Variants in PDE4D observed in about 807,000 individuals in gnomAD.
PDE4D encodes the protein phosphodiesterase 4D, also known as 3',5'-cyclic-AMP phosphodiesterase 4D.
PDE4D carries 24 observed loss-of-function variants against 87.4 expected under a neutral mutation model. The ratio of observed to expected loss-of-function variants is 0.27; its 90% CI spans 0.20 to 0.39. The LOEUF is 0.39. Ranked by LOEUF, PDE4D falls within the 10% of genes least tolerant of loss-of-function variation. The pLI is 1.00. For missense variants in PDE4D, 714 were observed against 1,041.0 expected (o/e 0.69, Z 4.32); for synonymous variants, 384 against 383.2 (o/e 1.00, Z -0.02).
intron 1 of PDE4D, among the ~76,000 whole-genome samples, chr5:60,429,044 A>G (rs1367522548): frequency 1.3e-5 from 2 of 152,214 alleles, no homozygotes; most frequent in Admixed American, 6.5e-5. Flanking sequence ...TAGTTCTCCC[A>G]TTCATTCACC....
intron 1 of PDE4D, among the ~76,000 whole-genome samples, chr5:59,244,680 CTGTGTG>C (rs369829189): frequency 0.014 from 1,710 of 120,006 alleles, 23 homozygotes; most frequent in African/African-American, 0.035. Flanking sequence ...GTGTGTGTGT[CTGTGTG>C]TGTGTGTGTG....
chr5:59,815,512 C>T (rs1043291325), intron 1 of PDE4D, among the ~76,000 whole-genome samples: 5 of 152,154 alleles, frequency 3.3e-5, no homozygotes, highest in Non-Finnish European at 7.4e-5. Flanking sequence ...TTCGCTCTTC[C>T]TCAGTGTTTT....
At chr5:59,764,761 T>C (rs901944802) in intron 1 of PDE4D, among the ~76,000 whole-genome samples, 11 of 148,774 alleles carry the variant, frequency 7.4e-5, no homozygotes, top group African/African-American at 2.5e-4. Flanking sequence ...GTTCAAGTGA[T>C]TCTCGTGCCT....
intron 1 of PDE4D, among the ~76,000 whole-genome samples, chr5:60,431,361 C>T (rs1317890653): frequency 4.0e-5 from 6 of 149,132 alleles, no homozygotes; most frequent in African/African-American, 1.5e-4. Context: ...TCAGATGGGG[C>T]GGCCGGGCAG....
Position 59,053,645 on chromosome 5 carries a change from G to GTTTTTTGTTTTTTT in PDE4D, c.809-14675_809-14674insAAAAAAACAAAAAA, listed in dbSNP as rs1561396071. 1.3e-4 allele frequency among the ~76,000 whole-genome samples: 9 copies of GTTTTTTGTTTTTTT among 68,792 alleles called. 1 individual carries two copies. The East Asian group carries it at 1.9e-3, about 14-fold the overall frequency. 45.1% of individuals were successfully genotyped at this position (68,792 alleles called of 152,430 possible). A position where few individuals can be genotyped will look rare whatever the true frequency, so the allele number is the denominator to read the frequency against. On this transcript the variant is annotated intron_variant, in intron 5 of 14. Transcript: ENST00000340635. ...TATGAATTAAGTTGTTTTGTTTTTT[G>GTTTTTTGTTTTTTT]TTTTTTTTTGTTGTTGTTTTTTTTT... is the stretch of plus-strand genomic sequence containing the variant.
chr5:59,464,155 A>G (rs1801198825), intron 1 of PDE4D, among the ~76,000 whole-genome samples: 1 of 152,190 alleles, frequency 6.6e-6, no homozygotes, highest in Non-Finnish European at 1.5e-5. Flanking sequence ...AGTCTGAAAT[A>G]TGGCCTCGTG....
At chr5:59,415,725 T>C (rs1434837121) in intron 1 of PDE4D, among the ~76,000 whole-genome samples, 1 of 152,216 alleles carries the variant, frequency 6.6e-6, no homozygotes, top group Non-Finnish European at 1.5e-5. Flanking sequence ...AGACAAAGTA[T>C]GAGGAAAGAA....
intron 3 of PDE4D, among the ~76,000 whole-genome samples, chr5:59,908,857 A>G (rs1178171224): frequency 6.6e-6 from 1 of 152,240 alleles, no homozygotes; most frequent in African/African-American, 2.4e-5. Context: ...ACTAATTATT[A>G]GAATACACTT....
At chr5:58,977,076 C>T in intron 12 of PDE4D, 115 bp downstream of exon 12, 1 of 908,724 alleles carries the variant, frequency 1.1e-6, no homozygotes, top group Non-Finnish European at 1.7e-6. Context: ...ACATAAAGGG[C>T]CATAATATGT....
intron 1 of PDE4D, among the ~76,000 whole-genome samples, chr5:60,517,961 C>T (rs1256714200): frequency 6.6e-6 from 1 of 152,242 alleles, no homozygotes; most frequent in Admixed American, 6.5e-5. Context: ...GAGCCCAGAC[C>T]TGGGAGCTCC....
intron 1 of PDE4D, among the ~76,000 whole-genome samples, chr5:60,413,507 A>G (rs762105921): frequency 1.3e-5 from 2 of 152,156 alleles, no homozygotes; most frequent in Non-Finnish European, 2.9e-5. Flanking sequence ...AGATGGGAAG[A>G]CTACACAGAC....
At chr5:59,028,296 A>T (rs1323183765) in intron 6 of PDE4D, among the ~76,000 whole-genome samples, 1 of 152,134 alleles carries the variant, frequency 6.6e-6, no homozygotes, top group Non-Finnish European at 1.5e-5. Flanking sequence ...GGAGAAGAGT[A>T]AATAAAACAT....
intron 1 of PDE4D, among the ~76,000 whole-genome samples, chr5:60,326,067 C>T (rs191090978): frequency 6.6e-6 from 1 of 152,196 alleles, no homozygotes; most frequent in African/African-American, 2.4e-5. Flanking sequence ...CATTCACCCA[C>T]TGAAGGACAT....
intron 1 of PDE4D, among the ~76,000 whole-genome samples, chr5:59,254,767 C>A (rs995368634): frequency 6.6e-6 from 1 of 152,054 alleles, no homozygotes; most frequent in African/African-American, 2.4e-5. Context: ...AACGTGTAGC[C>A]ACCTCTTCCT....
At chr5:60,113,099 A>G (rs1777841076) in intron 2 of PDE4D, among the ~76,000 whole-genome samples, 1 of 152,032 alleles carries the variant, frequency 6.6e-6, no homozygotes, top group Non-Finnish European at 1.5e-5. Flanking sequence ...TAATAATATA[A>G]AATTTTATAC....
intron 1 of PDE4D, among the ~76,000 whole-genome samples, chr5:59,303,719 CG>C (rs1770721263): frequency 6.6e-6 from 1 of 151,788 alleles, no homozygotes; most frequent in South Asian, 2.1e-4. Flanking sequence ...GGTTTATCTC[CG>C]GGTTCTCTAT....
At chr5:60,113,829 A>T (rs143116578) in intron 2 of PDE4D, among the ~76,000 whole-genome samples, 16 of 152,190 alleles carry the variant, frequency 1.1e-4, no homozygotes, top group Admixed American at 1.3e-4. Flanking sequence ...GAACAAAAAA[A>T]ATTTCTCCCT....
At chr5:59,502,820 G>A (rs879567701) in intron 1 of PDE4D, among the ~76,000 whole-genome samples, 14 of 151,276 alleles carry the variant, frequency 9.3e-5, no homozygotes, top group Admixed American at 7.3e-4. Context: ...AAAAGGAAAG[G>A]ACAAACTAAC....
intron 5 of PDE4D, among the ~76,000 whole-genome samples, chr5:59,111,075 C>CTACTTTTCT (rs567826290): frequency 7.0e-4 from 107 of 152,256 alleles, no homozygotes; most frequent in African/African-American, 2.5e-3. Flanking sequence ...GCTTGCAAAG[C>CTACTTTTCT]TACTTTTCTT....
Sources: gnomAD v4.1 joint callset for allele counts (sites outside exome capture counted in the v4.1 genomes callset) on GRCh38, gnomAD v4.1.1 for gene constraint, MANE v1.5 for transcripts, NCBI Gene and HGNC (gene_info 2026-07-23, HGNC 2026-07-21) for gene names.